CHST8: variants seen among roughly 807,000 people sequenced by gnomAD.
CHST8 encodes the protein carbohydrate sulfotransferase 8.
A neutral mutation model predicts 15.0 loss-of-function variants in CHST8; 10 were observed. That is an observed-to-expected ratio of 0.67 (90% confidence interval 0.41 to 1.13). The LOEUF (loss-of-function observed/expected upper bound fraction) is 1.13. Among genes scored for constraint, CHST8 ranks in the 50% most tolerant of loss-of-function variants. The pLI is 0.00. For synonymous variants in CHST8, 259 were observed against 256.6 expected (o/e 1.01, Z -0.09); for missense variants, 634 against 608.2 (o/e 1.04, Z -0.45).
At chr19:33,737,019 A>G (rs1412388558) in intron 3 of CHST8, among the ~76,000 whole-genome samples, 1 of 152,104 alleles carries the variant, frequency 6.6e-6, no homozygotes, top group Non-Finnish European at 1.5e-5. Context: ...AGACATACCC[A>G]CCAGCACCAT....
chr19:33,690,131 A>G (rs925921191), intron 3 of CHST8, among the ~76,000 whole-genome samples: 1 of 152,024 alleles, frequency 6.6e-6, no homozygotes. Context: ...TCTGCTTTGG[A>G]GGGAGAGGAG....
At chr19:33,678,569 C>A (rs1972840562) in intron 2 of CHST8, among the ~76,000 whole-genome samples, 2 of 151,918 alleles carry the variant, frequency 1.3e-5, no homozygotes, top group African/African-American at 2.4e-5. Flanking sequence ...TAGTGAGACC[C>A]CACTTCTACA....
intron 3 of CHST8, among the ~76,000 whole-genome samples, chr19:33,695,771 A>T (rs1398933493): frequency 6.9e-6 from 1 of 145,242 alleles, no homozygotes; most frequent in Admixed American, 6.8e-5. Context: ...GCTGAGTAGT[A>T]TTCCATGGTG....
intron 3 of CHST8, among the ~76,000 whole-genome samples, chr19:33,707,380 C>T (rs555205263): frequency 1.3e-5 from 2 of 152,256 alleles, no homozygotes; most frequent in East Asian, 1.9e-4. Context: ...CCATTGCCCC[C>T]GCCACTAAAT....
chr19:33,672,174 T>C (rs779829849), intron 2 of CHST8, among the ~76,000 whole-genome samples: 6 of 151,032 alleles, frequency 4.0e-5, no homozygotes, highest in South Asian at 2.1e-4. Context: ...CTCTTCTCCA[T>C]TGAAAGTATT....
intron 3 of CHST8, among the ~76,000 whole-genome samples, chr19:33,696,609 T>C (rs985399044): frequency 1.3e-5 from 2 of 152,066 alleles, no homozygotes; most frequent in African/African-American, 2.4e-5. Context: ...ACAATAAATG[T>C]AACGTGCTTG....
chr19:33,660,287 C>G (rs778978792), intron 1 of CHST8, among the ~76,000 whole-genome samples: 1 of 152,212 alleles, frequency 6.6e-6, no homozygotes, highest in Non-Finnish European at 1.5e-5. Flanking sequence ...GACTCCTCAG[C>G]TTAACTTCCT....
intron 1 of CHST8, among the ~76,000 whole-genome samples, chr19:33,625,138 T>G (rs894912009): frequency 6.6e-6 from 1 of 151,464 alleles, no homozygotes; most frequent in African/African-American, 2.4e-5. Flanking sequence ...CAGGCTAGAG[T>G]GCAATGTTGC....
At chr19:33,696,992 G>A (rs901051647) in intron 3 of CHST8, among the ~76,000 whole-genome samples, 4 of 151,660 alleles carry the variant, frequency 2.6e-5, no homozygotes, top group African/African-American at 9.7e-5. Flanking sequence ...ATGTTCTAAT[G>A]CCACCATGCC....
At chr19:33,705,995 C>T (rs764284383) in intron 3 of CHST8, among the ~76,000 whole-genome samples, 5 of 152,184 alleles carry the variant, frequency 3.3e-5, no homozygotes, top group Non-Finnish European at 7.3e-5. Flanking sequence ...GCCAGAGCCT[C>T]GCTGTACCCG....
At chr19:33,665,607 C>T (rs1972646814) in intron 1 of CHST8, among the ~76,000 whole-genome samples, 2 of 151,188 alleles carry the variant, frequency 1.3e-5, no homozygotes, top group Non-Finnish European at 2.9e-5. Flanking sequence ...ACTAGCATGT[C>T]GAAAGGATTG....
chr19:33,772,015 C>A lies in CHST8; in HGVS notation c.227C>A (p.Thr76Asn), dbSNP rs765095925. The A allele has an allele frequency of 6.2e-7, 1 of 1,609,806 alleles. No individual in the cohort carries two copies. The highest frequency in any genetic ancestry group is 1.7e-5 in the Admixed American group (1 of 59,154). Residue 76 changes from threonine to asparagine, a missense_variant, in exon 5 of 5, where the codon ACT becomes AAT. Coordinates refer to ENST00000650847, the MANE Select transcript of CHST8 (RefSeq NM_001127895.2). Reference protein sequence around the residue: ...GDLKEPTERVTRDLSSGAPRG... With the variant: ...GDLKEPTERVNRDLSSGAPRG... ...TTGAAGGAACCCACAGAGAGGGTCA[C>A]TCGGGACTTATCCAGTGGGGCCCCG... is the stretch of plus-strand genomic sequence containing the variant.
At chr19:33,768,617 A>G (rs1049326010) in intron 3 of CHST8, among the ~76,000 whole-genome samples, 5 of 151,872 alleles carry the variant, frequency 3.3e-5, no homozygotes, top group Admixed American at 2.6e-4. Flanking sequence ...ACACCCAGCT[A>G]ATTTTTTTGT....
At chr19:33,757,427 A>AG (rs1974578496) in intron 3 of CHST8, among the ~76,000 whole-genome samples, 1 of 14,166 alleles carries the variant, frequency 7.1e-5, no homozygotes, top group African/African-American at 2.7e-4. Flanking sequence ...AGAAAGAAAG[A>AG]AAGAAAGAAA....
At chr19:33,681,011 A>G (rs763607038) in intron 2 of CHST8, among the ~76,000 whole-genome samples, 8 of 152,278 alleles carry the variant, frequency 5.3e-5, no homozygotes, top group Non-Finnish European at 8.8e-5. Context: ...ACCGTAGAAC[A>G]GTATTAAAAC....
intron 1 of CHST8, among the ~76,000 whole-genome samples, chr19:33,624,088 A>G (rs1356130503): frequency 6.6e-6 from 1 of 152,160 alleles, no homozygotes; most frequent in East Asian, 1.9e-4. Flanking sequence ...TTATTTACTT[A>G]TTTATTTATT....
intron 3 of CHST8, among the ~76,000 whole-genome samples, chr19:33,751,333 A>C (rs988728445): frequency 1.3e-5 from 2 of 152,208 alleles, no homozygotes; most frequent in African/African-American, 4.8e-5. Flanking sequence ...AATTAAGCTG[A>C]AATTGAAGGA....
At chr19:33,693,579 T>G (rs1355901646) in intron 3 of CHST8, among the ~76,000 whole-genome samples, 1 of 152,222 alleles carries the variant, frequency 6.6e-6, no homozygotes, top group East Asian at 1.9e-4. Flanking sequence ...CCATCTGTAT[T>G]CTTCTCTCAC....
At chr19:33,659,942 G>A (rs1283466570) in intron 1 of CHST8, among the ~76,000 whole-genome samples, 1 of 152,174 alleles carries the variant, frequency 6.6e-6, no homozygotes, top group Non-Finnish European at 1.5e-5. Flanking sequence ...TCTGTTCATG[G>A]CAGTCACTCC....
Sources: allele counts gnomAD v4.1 joint callset (sites outside exome capture counted in the v4.1 genomes callset), GRCh38; gene constraint gnomAD v4.1.1; transcripts MANE v1.5; gene names NCBI Gene and HGNC (gene_info 2026-07-23, HGNC 2026-07-21).